The following KLHL8 variants were observed in gnomAD, a reference collection of about 807,000 sequenced individuals.
KLHL8 encodes kelch-like protein 8.
A neutral mutation model predicts 63.5 loss-of-function variants in KLHL8; 38 were observed. That is an observed-to-expected ratio of 0.60 (90% CI 0.46 to 0.78). The LOEUF is 0.78. Among genes scored for constraint, KLHL8 ranks in the 30% least tolerant of loss-of-function variants. The pLI is 0.00. For missense variants in KLHL8, 566 were observed against 752.4 expected (o/e 0.75, Z 2.90); for synonymous variants, 224 against 254.3 (o/e 0.88, Z 1.13).
chr4:87,239,217 A>G (rs2110075594), intron 1 of KLHL8, among the ~76,000 whole-genome samples: 1 of 152,334 alleles, frequency 6.6e-6, no homozygotes, highest in East Asian at 1.9e-4. Context: ...TTCAAAAGAC[A>G]CTCTAGCGTT....
chr4:87,238,993 C>CA (rs2110075460), intron 1 of KLHL8, among the ~76,000 whole-genome samples: 1 of 152,258 alleles, frequency 6.6e-6, no homozygotes, highest in Admixed American at 6.5e-5. Flanking sequence ...TGTTTCGAGA[C>CA]ACCTATTTTA....
At chr4:87,205,900 T>G (rs548828076) in intron 1 of KLHL8, among the ~76,000 whole-genome samples, 3 of 152,348 alleles carry the variant, frequency 2.0e-5, no homozygotes, top group African/African-American at 7.2e-5. Flanking sequence ...CTCCCCAGCC[T>G]GTGCTATTAA....
At chr4:87,224,621 A>G (rs545131023), upstream of KLHL8, among the ~76,000 whole-genome samples, 1 of 152,240 alleles carries the variant, frequency 6.6e-6, no homozygotes, top group East Asian at 1.9e-4. Context: ...TTGCAGTTAC[A>G]TTTCATCCCA....
chr4:87,181,602 A>G (rs1731055042), intron 4 of KLHL8, among the ~76,000 whole-genome samples: 1 of 152,080 alleles, frequency 6.6e-6, no homozygotes, highest in Non-Finnish European at 1.5e-5. Context: ...GGAAAAAAAA[A>G]AAAACTAAAA....
At position 87,236,058 on chromosome 4, in the gene KLHL8, T is replaced by C. The variant is rs533995121; in HGVS notation, n.57+4200A>G. Among the ~76,000 whole-genome samples the C allele has an allele frequency of 3.0e-4, 45 of 152,228 alleles. No homozygotes were observed. The South Asian group carries it at 8.5e-3, about 29-fold the overall frequency. On this transcript the variant is annotated intron_variant and non_coding_transcript_variant, in intron 1 of 1. Transcript: ENST00000506274. ...TAGAAACCAAAAAAAGCGAATGAAA[T>C]GGCTCTTTCTTAAAGTAAGCCTTGA...
chr4:87,215,403 C>T (rs1732558679), intron 1 of KLHL8, among the ~76,000 whole-genome samples: 1 of 152,166 alleles, frequency 6.6e-6, no homozygotes, highest in Admixed American at 6.5e-5. Flanking sequence ...CACACTTCTG[C>T]TACTTTATTC....
At chr4:87,169,456 C>T (rs1400562643) in intron 8 of KLHL8, among the ~76,000 whole-genome samples, 1 of 152,086 alleles carries the variant, frequency 6.6e-6, no homozygotes, top group Admixed American at 6.5e-5. Flanking sequence ...AAACATATAC[C>T]TTATTTAAAT....
At chr4:87,231,327 A>G (rs1578412449) in intron 1 of KLHL8, among the ~76,000 whole-genome samples, 1 of 152,106 alleles carries the variant, frequency 6.6e-6, no homozygotes, top group Admixed American at 6.6e-5. Context: ...CCTTTTCCAA[A>G]TGAAATACCC....
Position 87,217,535 on chromosome 4 carries a change from A to G in KLHL8, c.-152+2883T>C, listed in dbSNP as rs144464723. 6.9e-3 allele frequency among the ~76,000 whole-genome samples: 1,054 copies of G among 151,866 alleles called. 10 individuals carry two copies. Among genetic ancestry groups the G allele is most frequent in the African/African-American group, 0.024 (1,007 of 41,404 alleles). On this transcript the variant is annotated intron_variant, in intron 1 of 9. Transcript: ENST00000273963. ...CGTTTGTTTGTTTTTTTGTAGACAC[A>G]GGGTTTCGCCGTGTTGTTCAGGCTG...
At chr4:87,226,493 C>T (rs1186053514) in intron 1 of KLHL8, among the ~76,000 whole-genome samples, 17 of 146,726 alleles carry the variant, frequency 1.2e-4, no homozygotes, top group Non-Finnish European at 2.1e-4. Context: ...ATCCAGGAGG[C>T]GGAGGTTGCA....
intron 8 of KLHL8, among the ~76,000 whole-genome samples, chr4:87,164,376 A>G (rs1730294980): frequency 6.6e-6 from 1 of 152,182 alleles, no homozygotes; most frequent in Non-Finnish European, 1.5e-5. Flanking sequence ...AGAAAAAGAA[A>G]AAAAAAACAC....
At chr4:87,166,458 T>C (rs1215130218) in intron 8 of KLHL8, among the ~76,000 whole-genome samples, 12 of 152,218 alleles carry the variant, frequency 7.9e-5, no homozygotes, top group African/African-American at 1.7e-4. Flanking sequence ...AATCACAATA[T>C]AGCTAATCAT....
chr4:87,197,071 T>C (rs1182488329), intron 1 of KLHL8, among the ~76,000 whole-genome samples: 3 of 152,214 alleles, frequency 2.0e-5, no homozygotes, highest in Non-Finnish European at 4.4e-5. Flanking sequence ...CAGAAATCAA[T>C]GGTTAATGTA....
intron 1 of KLHL8, among the ~76,000 whole-genome samples, chr4:87,210,588 C>T (rs1005383665): frequency 1.3e-5 from 2 of 152,174 alleles, no homozygotes; most frequent in African/African-American, 4.8e-5. Context: ...AATTTTAGAG[C>T]TACCCCTGAA....
chr4:87,173,037 A>G (rs1010220554), intron 6 of KLHL8, among the ~76,000 whole-genome samples: 4 of 152,074 alleles, frequency 2.6e-5, no homozygotes, highest in Admixed American at 1.3e-4. Flanking sequence ...CCTCATTTCT[A>G]GACACTCTTC....
intron 1 of KLHL8, among the ~76,000 whole-genome samples, chr4:87,202,049 G>A (rs1270237492): frequency 6.6e-6 from 1 of 151,772 alleles, no homozygotes; most frequent in Non-Finnish European, 1.5e-5. Flanking sequence ...GGCGGAGCTT[G>A]CAGTGAGCCG....
chr4:87,185,836 T>A (rs1731233456), intron 2 of KLHL8, 37 bp from the exon 3 acceptor site: 1 of 1,493,154 alleles, frequency 6.7e-7, no homozygotes, highest in African/African-American at 1.4e-5. Flanking sequence ...CTGTTTAATA[T>A]CAAAATCAGC....
chr4:87,215,957 T>C (rs1246984754), intron 1 of KLHL8, among the ~76,000 whole-genome samples: 2 of 152,236 alleles, frequency 1.3e-5, no homozygotes, highest in Non-Finnish European at 2.9e-5. Context: ...ATTATGTATA[T>C]ATCATCATCT....
Position 87,195,319 on chromosome 4 carries a change from C to T in KLHL8, c.216+5G>A, listed in dbSNP as rs148112908. ...CTGAGAAAAGTACAAAAAAGGCAAT[C>T]TCACCTTGAGTGTGACATCACAGAG... On this transcript the variant is annotated splice_donor_5th_base_variant and intron_variant, in intron 2 of 9. Transcript: ENST00000273963. 3.7e-6 allele frequency: 6 copies of T among 1,609,098 alleles called. No individual in the cohort carries two copies. Among genetic ancestry groups the T allele is most frequent in the Non-Finnish European group, 5.1e-6 (6 of 1,178,488 alleles).
Sources: allele counts gnomAD v4.1 joint callset (sites outside exome capture counted in the v4.1 genomes callset), GRCh38; gene constraint gnomAD v4.1.1; transcripts MANE v1.5; gene names NCBI Gene and HGNC (gene_info 2026-07-23, HGNC 2026-07-21).